Variants in CNGB3 observed in about 807,000 individuals in gnomAD.
The protein encoded by CNGB3 is cyclic nucleotide-gated channel beta-3.
A neutral mutation model predicts 92.8 loss-of-function variants in CNGB3; 86 were observed. The observed-to-expected ratio is 0.93, with a 90% confidence interval of 0.78 to 1.11. The LOEUF is 1.11. CNGB3 is among the 50% of genes least tolerant of loss of function. CNGB3 has a pLI of 0.00. For synonymous variants in CNGB3, 333 were observed against 332.7 expected (o/e 1.00, Z -0.01); for missense variants, 1,026 against 956.8 (o/e 1.07, Z -0.95).
At chr8:86,737,845 G>C (rs141876244) in intron 2 of CNGB3, among the ~76,000 whole-genome samples, 384 of 152,300 alleles carry the variant, frequency 2.5e-3, no homozygotes, top group African/African-American at 9.0e-3. Flanking sequence ...TTCTGTTCCT[G>C]AGTTAGTTTG....
At chr8:86,599,080 C>A (rs551550502) in intron 15 of CNGB3, among the ~76,000 whole-genome samples, 13 of 152,104 alleles carry the variant, frequency 8.5e-5, no homozygotes, top group African/African-American at 2.4e-4. Flanking sequence ...GGACGCCAAA[C>A]GGAGGGACCG....
intron 15 of CNGB3, among the ~76,000 whole-genome samples, chr8:86,599,088 C>T (rs959985334): frequency 1.3e-5 from 2 of 152,256 alleles, no homozygotes; most frequent in African/African-American, 2.4e-5. Context: ...AACGGAGGGA[C>T]CGGCTGAAGC....
chr8:86,638,795 A>G (rs1823123582), intron 10 of CNGB3, among the ~76,000 whole-genome samples: 1 of 149,584 alleles, frequency 6.7e-6, no homozygotes, highest in Admixed American at 6.7e-5. Context: ...ACTGACCTTC[A>G]CTTCCTTCTG....
chr8:86,579,899 T>G (rs1172720023), intron 15 of CNGB3, among the ~76,000 whole-genome samples: 1 of 152,226 alleles, frequency 6.6e-6, no homozygotes, highest in East Asian at 1.9e-4. Flanking sequence ...TAACAGTTCC[T>G]TTGCTGTTGC....
chr8:86,600,891 A>C (rs1213515505), intron 15 of CNGB3, among the ~76,000 whole-genome samples: 1 of 142,274 alleles, frequency 7.0e-6, no homozygotes, highest in East Asian at 2.1e-4. Flanking sequence ...CAGCCTCCCA[A>C]CGTGTTGGGA....
intron 3 of CNGB3, among the ~76,000 whole-genome samples, chr8:86,686,652 G>GA (rs1331713069): frequency 2.7e-5 from 2 of 75,342 alleles, no homozygotes; most frequent in Non-Finnish European, 4.8e-5. Flanking sequence ...AGGGTGTTCT[G>GA]CATTGATAAG....
Position 86,575,771 on chromosome 8 carries a change from C to T in CNGB3, c.*33G>A. 6.4e-7 allele frequency: 1 copy of T among 1,574,254 alleles called. No homozygotes were observed. Among genetic ancestry groups the T allele is most frequent in the Non-Finnish European group, 8.7e-7 (1 of 1,144,564 alleles). ...ATCCTAGGTACAATCACTTTGGGAA[C>T]TAGCTATATCACATCTAAAGATAAT... On this transcript the variant is annotated 3_prime_UTR_variant, in exon 18 of 18. Coordinates refer to ENST00000320005, the MANE Select transcript of CNGB3 (RefSeq NM_019098.5).
intron 14 of CNGB3, among the ~76,000 whole-genome samples, chr8:86,610,336 A>G (rs555913453): frequency 1.4e-4 from 22 of 152,316 alleles, no homozygotes; most frequent in Admixed American, 1.1e-3. Context: ...GGAATAAATC[A>G]TTCTAAAATT....
intron 3 of CNGB3, among the ~76,000 whole-genome samples, chr8:86,675,533 A>T (rs1199261258): frequency 6.6e-6 from 1 of 152,124 alleles, no homozygotes; most frequent in African/African-American, 2.4e-5. Flanking sequence ...TTCCCACCTC[A>T]GCCTCCTGTG....
chr8:86,711,122 G>C (rs890758209), intron 3 of CNGB3, among the ~76,000 whole-genome samples: 1 of 152,012 alleles, frequency 6.6e-6, no homozygotes, highest in African/African-American at 2.4e-5. Context: ...GTATCACTAG[G>C]CCCCCTTTTC....
chr8:86,714,807 G>A (rs1328407775), intron 3 of CNGB3, among the ~76,000 whole-genome samples: 1 of 152,164 alleles, frequency 6.6e-6, no homozygotes, highest in African/African-American at 2.4e-5. Flanking sequence ...GTAGGGCACT[G>A]TGGGAGTGAG....
intron 3 of CNGB3, among the ~76,000 whole-genome samples, chr8:86,700,382 T>C (rs1824532947): frequency 6.6e-6 from 1 of 152,226 alleles, no homozygotes; most frequent in Non-Finnish European, 1.5e-5. Flanking sequence ...GACATTTCCA[T>C]GAATGAATAC....
At chr8:86,634,991 T>A (rs1823035663) in intron 10 of CNGB3, among the ~76,000 whole-genome samples, 1 of 151,738 alleles carries the variant, frequency 6.6e-6, no homozygotes, top group Admixed American at 6.6e-5. Context: ...TAGTTCCTTG[T>A]TATAGGAACA....
At chr8:86,720,632 C>T (rs1824947527) in intron 3 of CNGB3, among the ~76,000 whole-genome samples, 1 of 152,046 alleles carries the variant, frequency 6.6e-6, no homozygotes, top group South Asian at 2.1e-4. Context: ...TTTGATCCAG[C>T]AATCCCACTA....
chr8:86,687,531 G>A (rs912014219), intron 3 of CNGB3, among the ~76,000 whole-genome samples: 2 of 152,008 alleles, frequency 1.3e-5, no homozygotes, highest in African/African-American at 4.8e-5. Flanking sequence ...GGAACTGGGA[G>A]GAGCAGAGAA....
chr8:86,704,288 C>T (rs1356855760), intron 3 of CNGB3: 9 of 152,238 alleles, frequency 5.9e-5, no homozygotes, highest in Admixed American at 4.6e-4. Flanking sequence ...GTTGAGTAGG[C>T]TGAGGAGGAG....
intron 15 of CNGB3, among the ~76,000 whole-genome samples, chr8:86,590,614 G>A (rs1015215871): frequency 6.6e-6 from 1 of 151,754 alleles, no homozygotes; most frequent in Admixed American, 6.6e-5. Flanking sequence ...AGTTTGGCTG[G>A]ATATGAAATT....
chr8:86,597,111 T>A (rs1304601438), intron 15 of CNGB3, among the ~76,000 whole-genome samples: 1 of 152,106 alleles, frequency 6.6e-6, no homozygotes. Context: ...ACATGGCACA[T>A]GTATACCTAT....
At chr8:86,629,120 A>C (rs768747404) in intron 11 of CNGB3, 42 bp from the exon 12 acceptor site, 4 of 1,609,792 alleles carry the variant, frequency 2.5e-6, no homozygotes, top group South Asian at 1.1e-5. Context: ...AGCAGAGGAA[A>C]TGAGTTAATA....
Sources: allele counts gnomAD v4.1 joint callset (sites outside exome capture counted in the v4.1 genomes callset), GRCh38; gene constraint gnomAD v4.1.1; transcripts MANE v1.5; gene names NCBI Gene and HGNC (gene_info 2026-07-23, HGNC 2026-07-21).